NFIB: variants seen among roughly 807,000 people sequenced by gnomAD.
NFIB encodes nuclear factor I B.
A neutral mutation model predicts 61.5 loss-of-function variants in NFIB; 11 were observed. The ratio of observed to expected loss-of-function variants is 0.18; its 90% confidence interval spans 0.11 to 0.30. The LOEUF is 0.30. Among genes scored for constraint, NFIB ranks in the 10% least tolerant of loss-of-function variants. The pLI is 1.00. For missense variants in NFIB, 471 were observed against 608.9 expected (o/e 0.77, Z 2.38); for synonymous variants, 260 against 216.5 (o/e 1.20, Z -1.76).
At chr9:14,429,409 C>T in the NFIB span, among the ~76,000 whole-genome samples, 4 of 152,144 alleles carry the variant, frequency 2.6e-5, no homozygotes, top group African/African-American at 7.2e-5. Flanking sequence ...TTTAGAAAAG[C>T]TTTGTCTCAG....
At chr9:14,420,660 A>C in the NFIB span, among the ~76,000 whole-genome samples, 5 of 152,084 alleles carry the variant, frequency 3.3e-5, no homozygotes, top group African/African-American at 9.7e-5. Context: ...ACCCTGTAGA[A>C]AGGAAGAGAA....
At chr9:14,227,983 GTTTTTA>G (rs895240747) in intron 2 of NFIB, among the ~76,000 whole-genome samples, 1 of 151,978 alleles carries the variant, frequency 6.6e-6, no homozygotes, top group African/African-American at 2.4e-5. Context: ...AAGTATCCAA[GTTTTTA>G]TTTTTAACTC....
chr9:14,427,949 T>TG, the NFIB span, among the ~76,000 whole-genome samples: 98 of 90,082 alleles, frequency 1.1e-3, 2 homozygotes, highest in East Asian at 0.017. Flanking sequence ...TTTTTTTTTT[T>TG]TTTTTTTTTT....
intron 1 of NFIB, among the ~76,000 whole-genome samples, chr9:14,376,231 T>C (rs545586120): frequency 2.1e-4 from 32 of 152,338 alleles, no homozygotes; most frequent in Admixed American, 3.3e-4. Context: ...GTTTAAGCTA[T>C]GGAACTTTTT....
intron 1 of NFIB, among the ~76,000 whole-genome samples, chr9:14,364,369 C>G (rs980155569): frequency 6.6e-6 from 1 of 152,200 alleles, no homozygotes; most frequent in African/African-American, 2.4e-5. Context: ...ACTCCCTGCT[C>G]TGGGTGAGCC....
chr9:14,434,619 G>A, the NFIB span, among the ~76,000 whole-genome samples: 2 of 152,144 alleles, frequency 1.3e-5, no homozygotes, highest in Non-Finnish European at 2.9e-5. Context: ...AATAGCTATA[G>A]GCCTTAAAGC....
At chr9:14,471,460 T>C in the NFIB span, among the ~76,000 whole-genome samples, 1 of 152,342 alleles carries the variant, frequency 6.6e-6, no homozygotes, top group Non-Finnish European at 1.5e-5. Context: ...ATTGATTTTA[T>C]AGGAATAAGA....
chr9:14,380,661 G>A (rs1012124641), intron 1 of NFIB, among the ~76,000 whole-genome samples: 3 of 152,016 alleles, frequency 2.0e-5, no homozygotes, highest in Non-Finnish European at 4.4e-5. Flanking sequence ...GACACCCCCC[G>A]CCTCTATCCT....
In NFIB at chr9:14,104,779, T is replaced by C. The variant is rs537627101; in HGVS notation, c.1467+8220A>G. Reference sequence around the variant, plus strand: ...AAAAAAAAAAATTGTAGCGATAAGATCTTGCTATGTTGCCCAGGCTGGTGA... The same window carrying C: ...AAAAAAAAAAATTGTAGCGATAAGACCTTGCTATGTTGCCCAGGCTGGTGA... On this transcript the variant is annotated intron_variant, in intron 10 of 10. Coordinates refer to ENST00000380953, the MANE Select transcript of NFIB (RefSeq NM_001190737.2). Among the ~76,000 whole-genome samples, 5 of 152,014 alleles carry C rather than the reference T, an allele frequency of 3.3e-5. No individual in the cohort carries two copies. In the South Asian group the frequency reaches 1.0e-3, roughly 32 times the overall value.
At chr9:14,128,920 A>G (rs1420954343) in intron 6 of NFIB, among the ~76,000 whole-genome samples, 1 of 152,202 alleles carries the variant, frequency 6.6e-6, no homozygotes, top group Non-Finnish European at 1.5e-5. Flanking sequence ...GTAATTTTTA[A>G]TGTAAATTAT....
chr9:14,200,582 A>T, intron 2 of NFIB, among the ~76,000 whole-genome samples: 1 of 152,142 alleles, frequency 6.6e-6, no homozygotes, highest in Non-Finnish European at 1.5e-5. Flanking sequence ...TTTCACACTA[A>T]GTATCCCTAG....
the NFIB span, among the ~76,000 whole-genome samples, chr9:14,406,112 G>C: frequency 6.6e-6 from 1 of 152,224 alleles, no homozygotes; most frequent in East Asian, 1.9e-4. Flanking sequence ...AGGAGGAAAA[G>C]GACAAAGAAG....
chr9:14,309,254 T>C (rs2060172403), intron 1 of NFIB, among the ~76,000 whole-genome samples: 1 of 152,202 alleles, frequency 6.6e-6, no homozygotes, highest in African/African-American at 2.4e-5. Flanking sequence ...CCAATATAGA[T>C]ATGAATACAT....
chr9:14,500,517 T>C, the NFIB span, among the ~76,000 whole-genome samples: 2 of 152,196 alleles, frequency 1.3e-5, no homozygotes, highest in African/African-American at 4.8e-5. Context: ...ATCAGTTCCC[T>C]CTTTTACACC....
chr9:14,484,830 G>A, the NFIB span, among the ~76,000 whole-genome samples: 1 of 152,196 alleles, frequency 6.6e-6, no homozygotes, highest in Non-Finnish European at 1.5e-5. Flanking sequence ...AGCTCAAGCT[G>A]CTATAACAAA....
At chr9:14,240,189 T>C (rs556860294) in intron 2 of NFIB, among the ~76,000 whole-genome samples, 1 of 152,260 alleles carries the variant, frequency 6.6e-6, no homozygotes, top group African/African-American at 2.4e-5. Context: ...TCAGCAAAAT[T>C]GGGCCTAAAG....
At chr9:14,181,154 GTTAT>G (rs2046728138) in intron 2 of NFIB, among the ~76,000 whole-genome samples, 1 of 152,002 alleles carries the variant, frequency 6.6e-6, no homozygotes, top group Admixed American at 6.6e-5. Context: ...ATAAAACCTG[GTTAT>G]TTATTTCTGC....
At chr9:14,235,033 T>C (rs1405947546) in intron 2 of NFIB, among the ~76,000 whole-genome samples, 1 of 152,206 alleles carries the variant, frequency 6.6e-6, no homozygotes, top group African/African-American at 2.4e-5. Context: ...CAATCTTAAC[T>C]ATTTAGGGTT....
At chr9:14,269,254 G>A (rs2057430146) in intron 2 of NFIB, among the ~76,000 whole-genome samples, 1 of 152,078 alleles carries the variant, frequency 6.6e-6, no homozygotes, top group Admixed American at 6.5e-5. Context: ...ATCAGCATTT[G>A]CCAATAAAAA....
Sources: allele counts gnomAD v4.1 joint callset (sites outside exome capture counted in the v4.1 genomes callset), GRCh38; gene constraint gnomAD v4.1.1; transcripts MANE v1.5; gene names NCBI Gene and HGNC (gene_info 2026-07-23, HGNC 2026-07-21).